Variants in SCIN observed in about 807,000 individuals in gnomAD.
SCIN encodes the protein adseverin.
Under a neutral mutation model 91.8 loss-of-function variants are expected in SCIN, and 91 were observed. That is an observed-to-expected ratio of 0.99 (90% CI 0.84 to 1.18). The LOEUF (loss-of-function observed/expected upper bound fraction) is 1.18. SCIN is among the 50% of genes most tolerant of loss of function. SCIN has a pLI of 0.00. For synonymous variants in SCIN, 367 were observed against 312.6 expected (o/e 1.17, Z -1.84); for missense variants, 1,087 against 863.9 (o/e 1.26, Z -3.24).
Position 12,591,648 on chromosome 7 carries a change from C to T in SCIN, c.516+10427C>T, listed in dbSNP as rs189124496. ...ATGTTATGTGAGGGGTTTAGGGGTT[C>T]ATTGGGAGGGCCTTTGGCCACTTCA... On this transcript the variant is annotated intron_variant, in intron 3 of 15. Coordinates refer to ENST00000297029, the MANE Select transcript of SCIN (RefSeq NM_001112706.3). 6.6e-5 allele frequency among the ~76,000 whole-genome samples: 10 copies of T among 152,024 alleles called. No homozygotes were observed. In the East Asian group the frequency reaches 1.6e-3, roughly 24 times the overall value.
chr7:12,578,909 G>GTTTTTTGTTTTTTTTT (rs1782428970), intron 2 of SCIN, among the ~76,000 whole-genome samples: 1 of 85,898 alleles, frequency 1.2e-5, no homozygotes, highest in African/African-American at 5.2e-5. Context: ...TATAGGACAG[G>GTTTTTTGTTTTTTTTT]TTTTTTTTTT....
At chr7:12,596,034 T>C (rs1183180095) in intron 3 of SCIN, among the ~76,000 whole-genome samples, 1 of 152,084 alleles carries the variant, frequency 6.6e-6, no homozygotes, top group Admixed American at 6.5e-5. Context: ...TTTAAAGAGC[T>C]TAGAACAGGA....
chr7:12,577,599 C>G (rs55829483), intron 1 of SCIN: 162,212 of 455,368 alleles, frequency 0.36, 30,822 homozygotes, highest in Middle Eastern at 0.43. Context: ...ACCTGTAATC[C>G]CCAACAATTT....
chr7:12,615,107 C>T (rs932099176), intron 4 of SCIN, among the ~76,000 whole-genome samples: 55 of 152,172 alleles, frequency 3.6e-4, no homozygotes, highest in Admixed American at 2.8e-3. Context: ...AGGGAAATCC[C>T]AACTGCTGTG....
chr7:12,657,586 T>A lies in SCIN; in HGVS notation c.*4871T>A, dbSNP rs1384977357. 9.4e-6 allele frequency: 1 copy of A among 106,588 alleles called. No homozygotes were observed. Among genetic ancestry groups the A allele is most frequent in the African/African-American group, 4.5e-5 (1 of 22,216 alleles). 6.6% of individuals were successfully genotyped at this position (106,588 alleles called of 1,614,324 possible). On this transcript the variant is annotated 3_prime_UTR_variant, in exon 16 of 16. Coordinates refer to ENST00000297029, the MANE Select transcript of SCIN (RefSeq NM_001112706.3). ...TATATATATATATTTTTTTTTTTTT[T>A]TTTTTTTTTTTTGCATTGGCAAAAA...
Position 12,636,141 on chromosome 7 carries a change from G to A in SCIN, c.1410+6G>A. ...TTGGAGGACAGGCTGTGCAGGTTGG[G>A]ATATTTTTACCCCCAAAACTCACAC... On this transcript the variant is annotated splice_donor_region_variant and intron_variant, in intron 10 of 15. Transcript: ENST00000297029. The A allele has an allele frequency of 6.2e-7, 1 of 1,607,440 alleles. No homozygotes were observed. Among genetic ancestry groups the A allele is most frequent in the African/African-American group, 1.3e-5 (1 of 74,870 alleles).
chr7:12,646,727 A>G (rs1478089547), intron 13 of SCIN, among the ~76,000 whole-genome samples: 17 of 152,234 alleles, frequency 1.1e-4, no homozygotes, highest in Admixed American at 1.1e-3. Flanking sequence ...TTTGGTCAAC[A>G]TGCCCTAGTG....
At chr7:12,578,013 T>G in intron 1 of SCIN, 51 bp from the exon 2 acceptor site, 3 of 1,468,666 alleles carry the variant, frequency 2.0e-6, no homozygotes, top group South Asian at 2.8e-5. Context: ...AAATTCTGCC[T>G]TAATCCTTTC....
chr7:12,648,642 T>G (rs1026162285), intron 13 of SCIN, among the ~76,000 whole-genome samples: 7 of 152,106 alleles, frequency 4.6e-5, no homozygotes, highest in African/African-American at 1.7e-4. Context: ...GAAAGATAAT[T>G]TAATACTCAG....
intron 1 of SCIN, among the ~76,000 whole-genome samples, chr7:12,572,824 A>G (rs763560486): frequency 1.4e-4 from 22 of 152,368 alleles, no homozygotes; most frequent in Middle Eastern, 3.4e-3. Flanking sequence ...TCATTCAGTA[A>G]TTATTCAATA....
In SCIN at chr7:12,652,535, C is replaced by G. The variant is rs183267577; in HGVS notation, c.2021-53C>G. The G allele has an allele frequency of 2.6e-4, 398 of 1,537,952 alleles. 1 individual carries two copies. In the African/African-American group the frequency reaches 5.2e-3, roughly 20 times the overall value. On this transcript the variant is annotated intron_variant, in intron 15 of 15. Transcript: ENST00000297029. ...TCGAAGAATTTTCAATCTGCAGTTA[C>G]TTTAGTTTAACCCAAACTAACTGAA...
At chr7:12,595,353 G>A (rs529494312) in intron 3 of SCIN, among the ~76,000 whole-genome samples, 3 of 152,174 alleles carry the variant, frequency 2.0e-5, no homozygotes, top group East Asian at 3.9e-4. Flanking sequence ...CACGTTTCTC[G>A]TGACCTCCCC....
intron 1 of SCIN, 150 bp downstream of exon 1, chr7:12,571,135 A>G: frequency 2.4e-6 from 2 of 844,344 alleles, no homozygotes; most frequent in Non-Finnish European, 3.5e-6. Flanking sequence ...GGGGCCGGCC[A>G]CTTTCTCCCT....
At chr7:12,600,106 T>A (rs1465667979) in intron 3 of SCIN, among the ~76,000 whole-genome samples, 2 of 152,182 alleles carry the variant, frequency 1.3e-5, no homozygotes, top group East Asian at 3.9e-4. Flanking sequence ...TCTAGAAAGG[T>A]TTTTCCAATG....
intron 13 of SCIN, among the ~76,000 whole-genome samples, chr7:12,647,437 T>C (rs568721557): frequency 2.0e-5 from 3 of 152,318 alleles, no homozygotes; most frequent in East Asian, 3.9e-4. Flanking sequence ...GCACAGCTTT[T>C]AGAACCAATC....
At position 12,656,914 on chromosome 7, in the gene SCIN, C is replaced by T. The variant is rs537341861; in HGVS notation, c.*4199C>T. ...CAGCCTGCGTGACGATGAGAGTCTC[C>T]GTCTCGGGGGAAGAAAAAAAAAACC... is the stretch of plus-strand genomic sequence containing the variant. On this transcript the variant is annotated 3_prime_UTR_variant, in exon 16 of 16. Transcript: ENST00000297029. 1 of 150,444 alleles carries T rather than the reference C, an allele frequency of 6.6e-6. No homozygotes were observed. The highest frequency in any genetic ancestry group is 1.5e-5 in the Non-Finnish European group (1 of 67,712). 9.3% of individuals were successfully genotyped at this position (150,444 alleles called of 1,614,324 possible).
intron 3 of SCIN, among the ~76,000 whole-genome samples, chr7:12,583,032 C>A (rs770766402): frequency 2.0e-5 from 3 of 151,744 alleles, no homozygotes; most frequent in Non-Finnish European, 4.4e-5. Flanking sequence ...AGTAGGTGAT[C>A]GCGAGGGTCC....
rs1267868664 is a variant in SCIN at position 12,649,447 on chromosome 7, T to C, written c.1882-20T>C. ...ATTACTGCTTTACTTTTTGCTCATA[T>C]AGCTTTTTATACCTTTCAGATTGAA... On this transcript the variant is annotated intron_variant, in intron 13 of 15. Transcript: ENST00000297029. 1.3e-6 allele frequency: 2 copies of C among 1,545,928 alleles called. No individual in the cohort carries two copies. Among genetic ancestry groups the C allele is most frequent in the South Asian group, 1.2e-5 (1 of 82,084 alleles).
chr7:12,657,837 T>G lies in SCIN; in HGVS notation c.*5122T>G, dbSNP rs1450418431. On this transcript the variant is annotated 3_prime_UTR_variant, in exon 16 of 16. Coordinates refer to ENST00000297029, the MANE Select transcript of SCIN (RefSeq NM_001112706.3). ...GCATGCATTTCATCATGTCTCCATT[T>G]CTTCGGAATGATAATTTCTAATATA... is the stretch of plus-strand genomic sequence containing the variant. 6.6e-6 allele frequency: 1 copy of G among 151,744 alleles called. No homozygotes were observed. The highest frequency in any genetic ancestry group is 1.5e-5 in the Non-Finnish European group (1 of 67,912). The allele number at this position is 151,744 out of a possible 1,614,324, so 9.4% of individuals were successfully genotyped here. A position where few individuals can be genotyped will look rare whatever the true frequency, so the allele number is the denominator to read the frequency against.
Sources: gnomAD v4.1 joint callset for allele counts (sites outside exome capture counted in the v4.1 genomes callset) on GRCh38, gnomAD v4.1.1 for gene constraint, MANE v1.5 for transcripts, NCBI Gene and HGNC (gene_info 2026-07-23, HGNC 2026-07-21) for gene names.